USP24: variants seen among roughly 807,000 people sequenced by gnomAD.
USP24 encodes the protein ubiquitin specific peptidase 24, also known as ubiquitin carboxyl-terminal hydrolase 24.
A neutral mutation model predicts 361.6 loss-of-function variants in USP24; 97 were observed. The ratio of observed to expected loss-of-function variants is 0.27; its 90% CI spans 0.23 to 0.32. The LOEUF (loss-of-function observed/expected upper bound fraction) is 0.32, where lower values mean the gene tolerates loss of function less well. Ranked by LOEUF, USP24 falls within the 10% of genes least tolerant of loss-of-function variation. USP24 has a pLI of 1.00. For missense variants in USP24, 2,353 were observed against 3,165.6 expected (o/e 0.74, Z 6.16); for synonymous variants, 1,098 against 1,124.6 (o/e 0.98, Z 0.47).
chr1:55,109,559 TG>T (rs1350699472), intron 39 of USP24, among the ~76,000 whole-genome samples: 4 of 152,212 alleles, frequency 2.6e-5, no homozygotes, highest in Non-Finnish European at 5.9e-5. Flanking sequence ...TTTTTCCTCC[TG>T]GTCTTGACGT....
intron 55 of USP24, among the ~76,000 whole-genome samples, chr1:55,086,925 G>T (rs74398170): frequency 6.6e-6 from 1 of 151,968 alleles, no homozygotes; most frequent in African/African-American, 2.4e-5. Context: ...ACAATAAAAG[G>T]CTCTTTAAAA....
chr1:55,172,351 A>G (rs771516359), intron 4 of USP24, 26 bp downstream of exon 4: 1 of 1,550,460 alleles, frequency 6.4e-7, no homozygotes, highest in Non-Finnish European at 8.7e-7. Flanking sequence ...CAAAACACAA[A>G]GTACTTAATT....
At position 55,081,324 on chromosome 1, in the gene USP24, A is replaced by G; in HGVS notation, c.7076T>C (p.Val2359Ala). The G allele has an allele frequency of 1.9e-6, 3 of 1,613,460 alleles. No individual in the cohort carries two copies. The highest frequency in any genetic ancestry group is 2.5e-6 in the Non-Finnish European group (3 of 1,179,512). The change falls in exon 59 of 68, where the codon GTT becomes GCT. Residue 2359 changes from valine to alanine, a missense_variant and splice_region_variant. Coordinates refer to ENST00000294383, the MANE Select transcript of USP24 (RefSeq NM_015306.3). The stretch of plus-strand genomic sequence containing the variant: ...ATTCTAAGATATGTTAAGCTTACCA[A>G]CATTCCTTTGGGATGAGACATCTGA... Reference protein sequence around the residue: ...LHSDVSSQRNVAPGIFKQRPP... With the variant: ...LHSDVSSQRNAAPGIFKQRPP...
chr1:55,159,744 G>GA (rs2100760095), intron 8 of USP24, 59 bp from the exon 9 acceptor site: 1 of 1,418,856 alleles, frequency 7.0e-7, no homozygotes, highest in African/African-American at 1.4e-5. Context: ...AGTAGAGAGA[G>GA]AATACTTCTT....
intron 64 of USP24, chr1:55,073,110 GAA>G (rs1644953746): frequency 4.2e-6 from 2 of 475,348 alleles, no homozygotes; most frequent in Non-Finnish European, 7.4e-6. Context: ...TTCAGAAGAT[GAA>G]AAGAGTTCTG....
chr1:55,152,328 G>T (rs1647224833), intron 16 of USP24, among the ~76,000 whole-genome samples: 1 of 152,162 alleles, frequency 6.6e-6, no homozygotes, highest in African/African-American at 2.4e-5. Context: ...TGACTGCAAA[G>T]AGAAGCAATA....
rs1015652194 is a variant in USP24 at position 55,215,214 on chromosome 1, G to T, written c.-101C>A. 3 of 1,024,488 alleles carry T rather than the reference G, an allele frequency of 2.9e-6. No homozygotes were observed. Among genetic ancestry groups the T allele is most frequent in the Non-Finnish European group, 3.7e-6 (3 of 810,966 alleles). 63.5% of individuals were successfully genotyped at this position (1,024,488 alleles called of 1,614,324 possible). ...ACCCTCCGCGCCGCCTCCGCGCCCAGGTTGGCCCCTGCGTTCCTGCCCCGG... is the reference window on the plus strand; with the variant it reads ...ACCCTCCGCGCCGCCTCCGCGCCCATGTTGGCCCCTGCGTTCCTGCCCCGG... On this transcript the variant is annotated 5_prime_UTR_variant, in exon 1 of 68. The change creates a new upstream start codon in the 5' untranslated region. Transcript: ENST00000294383.
rs1569864940 is a variant in USP24, at chr1:55,215,151, G to T, written c.-38C>A. The T allele has an allele frequency of 1.2e-5, 14 of 1,215,194 alleles. No homozygotes were observed. The highest frequency in any genetic ancestry group is 1.3e-5 in the Non-Finnish European group (13 of 973,864). 75.3% of individuals were successfully genotyped at this position (1,215,194 alleles called of 1,614,324 possible). A position where few individuals can be genotyped will look rare whatever the true frequency, so the allele number is the denominator to read the frequency against. ...CTGGCCGCCCCGGCCAGCGCACGGC[G>T]AAGCTACGGGTCCCGGGCCTGGCGG... On this transcript the variant is annotated 5_prime_UTR_variant, in exon 1 of 68. Coordinates refer to ENST00000294383, the MANE Select transcript of USP24 (RefSeq NM_015306.3).
At chr1:55,114,134 C>G (rs1427084523) in intron 38 of USP24, among the ~76,000 whole-genome samples, 2 of 152,136 alleles carry the variant, frequency 1.3e-5, no homozygotes, top group Non-Finnish European at 2.9e-5. Context: ...AGTGAACTCC[C>G]ATTCACAATT....
At chr1:55,157,610 A>G (rs540660948) in intron 10 of USP24, among the ~76,000 whole-genome samples, 1 of 152,236 alleles carries the variant, frequency 6.6e-6, no homozygotes, top group South Asian at 2.1e-4. Context: ...AGGTGGGTGG[A>G]TCACTTTAGG....
chr1:55,100,981 C>A lies in USP24; in HGVS notation c.5146-17G>T. 6.2e-7 allele frequency: 1 copy of A among 1,605,002 alleles called. No homozygotes were observed. On this transcript the variant is annotated splice_polypyrimidine_tract_variant and intron_variant, in intron 43 of 67. Transcript: ENST00000294383. ...AAGTAATGACTGCACAGAAAAGAAACATATCAAGCTTGAAATATTTAAAAT... is the reference window on the plus strand; with the variant it reads ...AAGTAATGACTGCACAGAAAAGAAAAATATCAAGCTTGAAATATTTAAAAT...
intron 26 of USP24, among the ~76,000 whole-genome samples, chr1:55,138,173 T>C (rs1418587237): frequency 1.3e-5 from 2 of 152,170 alleles, no homozygotes; most frequent in Admixed American, 6.5e-5. Flanking sequence ...CCTTTCTCAC[T>C]GTGCTCCCCT....
rs375763168 is a variant in USP24 at position 55,162,208 on chromosome 1, G to A, written c.984C>T (p.Ser328=). 1.5e-4 allele frequency: 239 copies of A among 1,594,062 alleles called. No individual in the cohort carries two copies. In the South Asian group the frequency reaches 2.3e-3, roughly 15 times the overall value. The change falls in exon 8 of 68, where the codon TCC becomes TCT. Residue 328 remains serine, a synonymous_variant. Coordinates refer to ENST00000294383, the MANE Select transcript of USP24 (RefSeq NM_015306.3). ...AATGGTTTAATCCTACCTGTACCAC[G>A]GAGGAATTGAGGTACTCTGCACACA... is the stretch of plus-strand genomic sequence containing the variant. ...LGVCAEYLNS[S]VVQPMLDPVI... is the part of the protein sequence containing the mutation.
chr1:55,107,419 C>T lies in USP24; in HGVS notation c.4582G>A (p.Glu1528Lys), dbSNP rs1201988757. 2 of 1,593,412 alleles carry T rather than the reference C, an allele frequency of 1.3e-6. No homozygotes were observed. Among genetic ancestry groups the T allele is most frequent in the African/African-American group, 2.7e-5 (2 of 73,620 alleles). The change falls in exon 40 of 68, where the codon GAG (glutamate) becomes AAG (lysine). Residue 1528 changes from glutamate to lysine, a missense_variant. Physicochemically the swap from Glu to Lys is moderately conservative, Grantham distance 56. Coordinates refer to ENST00000294383, the MANE Select transcript of USP24 (RefSeq NM_015306.3). ...LLDDLTTSEM[E>K]QLRISPATML... is the part of the protein sequence containing the mutation. ...GTAGCTGGGCTGATCCTTAACTGCT[C>T]CATTTCTGAAGCTAAGAAGGAAAAA...
chr1:55,096,582 C>T lies in USP24; in HGVS notation c.5977G>A (p.Val1993Ile). 1 of 1,613,162 alleles carries T rather than the reference C, an allele frequency of 6.2e-7. No homozygotes were observed. The highest frequency in any genetic ancestry group is 1.3e-5 in the African/African-American group (1 of 75,000). The change falls in exon 50 of 68, where the codon GTT (valine) becomes ATT (isoleucine). Residue 1993 changes from valine to isoleucine, a missense_variant. This residue lies in a region of USP24 where 598 missense variants were observed against 761.9 expected (regional missense o/e 0.78). Transcript: ENST00000294383. ...KGKWYKFNDT[V>I]IEEFDLNDET... ...TCATTTAGGTCAAATTCTTCTATAA[C>T]TGTGTCATTAAATTTATACCACTTT...
In USP24 at chr1:55,103,949, T is replaced by C. The variant is rs745333534; in HGVS notation, c.4952A>G (p.Asn1651Ser). The C allele has an allele frequency of 1.7e-5, 27 of 1,611,804 alleles. No individual in the cohort carries two copies. The highest frequency in any genetic ancestry group is 8.5e-7 in the Non-Finnish European group (1 of 1,178,952). Residue 1651 changes from asparagine to serine, a missense_variant, in exon 42 of 68, where the codon AAT becomes AGT. Coordinates refer to ENST00000294383, the MANE Select transcript of USP24 (RefSeq NM_015306.3). Reference sequence around the variant, plus strand: ...CAGTTCTTTTATAATAATTTGAAGATTTGAAGGTGAACTATCAGCCAACAT... The same window carrying C: ...CAGTTCTTTTATAATAATTTGAAGACTTGAAGGTGAACTATCAGCCAACAT... Reference protein sequence around the residue: ...LVMLADSSPSNLQIIIKELLS... With the variant: ...LVMLADSSPSSLQIIIKELLS...
At chr1:55,112,538 A>T (rs1013287191) in intron 38 of USP24, among the ~76,000 whole-genome samples, 1 of 152,186 alleles carries the variant, frequency 6.6e-6, no homozygotes, top group Non-Finnish European at 1.5e-5. Context: ...TTTACCCAGT[A>T]GTCATTCAGG....
In USP24 at chr1:55,162,276, C is replaced by A; in HGVS notation, c.928-12G>T. On this transcript the variant is annotated splice_polypyrimidine_tract_variant and intron_variant, in intron 7 of 67. Coordinates refer to ENST00000294383, the MANE Select transcript of USP24 (RefSeq NM_015306.3). Reference sequence around the variant, plus strand: ...AGTGCTGAGACAGCCTGGAAAAAGACAGTGAAGATTAAAAATACATTTGAG... The same window carrying A: ...AGTGCTGAGACAGCCTGGAAAAAGAAAGTGAAGATTAAAAATACATTTGAG... 6.5e-7 allele frequency: 1 copy of A among 1,544,598 alleles called. No individual in the cohort carries two copies. The highest frequency in any genetic ancestry group is 8.7e-7 in the Non-Finnish European group (1 of 1,150,174).
Position 55,176,400 on chromosome 1 carries a change from C to T in USP24, c.534G>A (p.Arg178=), listed in dbSNP as rs780466911. ...SDENCRRFMD[R]CMPEAFKKLL... ...CCTTTTTAAATGCTTCAGGCATACA[C>T]CTGTCCATAAACCTTCTACAATTCT... Residue 178 remains arginine (R), a synonymous_variant, in exon 3 of 68, where the codon AGG becomes AGA. Transcript: ENST00000294383. 1.4e-5 allele frequency: 22 copies of T among 1,572,644 alleles called. No individual in the cohort carries two copies. The highest frequency in any genetic ancestry group is 1.9e-5 in the Non-Finnish European group (22 of 1,157,144).
Sources: allele counts gnomAD v4.1 joint callset (sites outside exome capture counted in the v4.1 genomes callset), GRCh38; gene constraint gnomAD v4.1.1; regional missense constraint gnomAD v4.1.1; transcripts MANE v1.5; gene names NCBI Gene and HGNC (gene_info 2026-07-23, HGNC 2026-07-21).